Variants in FAM131C observed in about 807,000 individuals in gnomAD.
FAM131C encodes family with sequence similarity 131 member C, also known as protein FAM131C.
A neutral mutation model predicts 29.8 loss-of-function variants in FAM131C; 14 were observed. The observed-to-expected ratio is 0.47, with a 90% CI of 0.31 to 0.73. FAM131C has a LOEUF of 0.73. Ranked by LOEUF, FAM131C falls within the 30% of genes least tolerant of loss-of-function variation. The pLI, the probability that FAM131C is intolerant of heterozygous loss-of-function variation, is 0.05. For missense variants in FAM131C, 252 were observed against 383.8 expected (o/e 0.66, Z 2.87); for synonymous variants, 86 against 157.8 (o/e 0.54, Z 3.41).
rs2124139597 is a variant in FAM131C, at chr1:16,073,596, G to A, written c.-154C>T. On this transcript the variant is annotated 5_prime_UTR_variant, in exon 1 of 7. Coordinates refer to ENST00000375662, the MANE Select transcript of FAM131C (RefSeq NM_182623.3). Reference sequence around the variant, plus strand: ...CAGCTCGGCCTCAGCTCCAGCCTGGGTCGTCCCTGCTGCCGCCGCGCCCGG... The same window carrying A: ...CAGCTCGGCCTCAGCTCCAGCCTGGATCGTCCCTGCTGCCGCCGCGCCCGG... The A allele has an allele frequency of 3.9e-6, 1 of 258,840 alleles. No individual in the cohort carries two copies. The highest frequency in any genetic ancestry group is 2.3e-5 in the African/African-American group (1 of 43,724). 16.0% of individuals were successfully genotyped at this position (258,840 alleles called of 1,614,324 possible).
At chr1:16,062,287 A>T in intron 3 of FAM131C, 95 bp from the exon 4 acceptor site, 1 of 1,505,966 alleles carries the variant, frequency 6.6e-7, no homozygotes, top group Non-Finnish European at 8.9e-7. Flanking sequence ...CCAGCTCACC[A>T]GGTCCTCTGG....
At chr1:16,060,408 G>T (rs2023577597) in intron 4 of FAM131C, among the ~76,000 whole-genome samples, 1 of 134,464 alleles carries the variant, frequency 7.4e-6, no homozygotes, top group Admixed American at 7.7e-5. Flanking sequence ...TTCTGACCAA[G>T]TTCAGACCCT....
chr1:16,061,955 C>T, intron 4 of FAM131C, 144 bp downstream of exon 4: 1 of 789,254 alleles, frequency 1.3e-6, no homozygotes, highest in Non-Finnish European at 2.0e-6. Flanking sequence ...CATAACCCAG[C>T]ATGGACTCTG....
chr1:16,064,786 T>G (rs576299100), intron 1 of FAM131C, among the ~76,000 whole-genome samples: 1 of 152,294 alleles, frequency 6.6e-6, no homozygotes, highest in South Asian at 2.1e-4. Flanking sequence ...CCTCCACCCA[T>G]TCCAAGCAGG....
chr1:16,063,586 G>A lies in FAM131C; in HGVS notation c.73C>T (p.Pro25Ser), dbSNP rs35576581. ...KNCPMPQGADPLNPDLPSGRT... is the reference protein window; with the variant it reads ...KNCPMPQGADSLNPDLPSGRT... The stretch of plus-strand genomic sequence containing the variant: ...CCCGAGGGCAGATCTGGGTTCAAGG[G>A]GTCCGCACCCTGGGGCATGGGGCAG... Residue 25 changes from proline (P) to serine (S), a missense_variant, in exon 2 of 7, where the codon CCC becomes TCC. Around this residue, in one of 6 missense-constraint regions of FAM131C, gnomAD observed 76 missense variants for 62.8 expected, o/e 1.21. Transcript: ENST00000375662. 7.0e-4 allele frequency: 1,130 copies of A among 1,613,784 alleles called. 8 individuals carry two copies. In the African/African-American group the frequency reaches 0.014, roughly 20 times the overall value.
chr1:16,061,362 G>T (rs1326526825), intron 4 of FAM131C, among the ~76,000 whole-genome samples: 1 of 152,116 alleles, frequency 6.6e-6, no homozygotes, highest in Non-Finnish European at 1.5e-5. Context: ...GGGGAGCTGG[G>T]TGGGATTTAG....
chr1:16,062,384 C>CCCCG, intron 3 of FAM131C, 115 bp downstream of exon 3: 1 of 810,932 alleles, frequency 1.2e-6, no homozygotes, highest in Non-Finnish European at 1.7e-6. Context: ...CATCAGGCCC[C>CCCCG]CCCCCCCCCC....
chr1:16,063,274 G>A (rs936901182), intron 2 of FAM131C, among the ~76,000 whole-genome samples: 2 of 152,054 alleles, frequency 1.3e-5, no homozygotes, highest in African/African-American at 2.4e-5. Flanking sequence ...GCAAGGCAGA[G>A]TTAATTTGCG....
At chr1:16,068,993 C>T (rs1437534942) in intron 1 of FAM131C, among the ~76,000 whole-genome samples, 2 of 152,188 alleles carry the variant, frequency 1.3e-5, no homozygotes, top group Non-Finnish European at 2.9e-5. Context: ...ACTGTCTGTC[C>T]TAGGCCTGTT....
At chr1:16,070,569 G>T (rs1192782930) in intron 1 of FAM131C, among the ~76,000 whole-genome samples, 1 of 152,126 alleles carries the variant, frequency 6.6e-6, no homozygotes, top group South Asian at 2.1e-4. Context: ...AGGTGGGAGG[G>T]TGGCTTGAGG....
intron 1 of FAM131C, among the ~76,000 whole-genome samples, chr1:16,070,546 C>T (rs2023738002): frequency 1.3e-5 from 2 of 152,130 alleles, no homozygotes; most frequent in Admixed American, 1.3e-4. Context: ...AATCCCAGCA[C>T]TTTGGGAGGC....
In FAM131C at chr1:16,059,920, C is replaced by T. The variant is rs561644267; in HGVS notation, c.400G>A (p.Glu134Lys). The T allele has an allele frequency of 7.5e-6, 11 of 1,458,566 alleles. No individual in the cohort carries two copies. Among genetic ancestry groups the T allele is most frequent in the Admixed American group, 2.2e-5 (1 of 45,954 alleles). 90.4% of individuals were successfully genotyped at this position (1,458,566 alleles called of 1,614,324 possible). Residue 134 changes from glutamate (E) to lysine (K), a missense_variant, in exon 5 of 7, where the codon GAG becomes AAG. Around this residue, in one of 6 missense-constraint regions of FAM131C, gnomAD observed 38 missense variants for 32.7 expected, o/e 1.16. Coordinates refer to ENST00000375662, the MANE Select transcript of FAM131C (RefSeq NM_182623.3). Reference protein sequence around the residue: ...AGWELSPAEDEHYCCLPDELR... With the variant: ...AGWELSPAEDKHYCCLPDELR... ...TCATCCGGGAGGCAGCAGTAATGCT[C>T]GTCCTCAGCTGGGGACAGCTCCCAG...
At chr1:16,064,109 G>T (rs77855850) in intron 1 of FAM131C, among the ~76,000 whole-genome samples, 5,637 of 152,076 alleles carry the variant, frequency 0.037, 122 homozygotes, top group African/African-American at 0.052. Flanking sequence ...ACCGCTGCAT[G>T]CGAGATTGTA....
At chr1:16,069,620 G>A (rs74054909) in intron 1 of FAM131C, among the ~76,000 whole-genome samples, 24 of 152,194 alleles carry the variant, frequency 1.6e-4, no homozygotes, top group Non-Finnish European at 2.9e-4. Context: ...CATGGAGCGG[G>A]TACTGAGCCC....
At chr1:16,063,458 C>A (rs1044283952) in intron 2 of FAM131C, 63 bp downstream of exon 2, 34 of 1,273,380 alleles carry the variant, frequency 2.7e-5, no homozygotes, top group Non-Finnish European at 3.8e-5. Context: ...CTGCTCCCTG[C>A]GGGGAGGAGA....
At chr1:16,062,879 A>T (rs149170619) in intron 2 of FAM131C, among the ~76,000 whole-genome samples, 1,597 of 152,238 alleles carry the variant, frequency 0.01, 2 homozygotes, top group South Asian at 0.016. Context: ...CATTCACCTC[A>T]TGAGTTGTGG....
chr1:16,061,708 C>T (rs1386051177), intron 4 of FAM131C, among the ~76,000 whole-genome samples: 1 of 152,064 alleles, frequency 6.6e-6, no homozygotes, highest in Admixed American at 6.5e-5. Flanking sequence ...GCCTCCCCCG[C>T]TGCCTGCTGG....
At chr1:16,068,559 G>T (rs111397773) in intron 1 of FAM131C, among the ~76,000 whole-genome samples, 84 of 152,350 alleles carry the variant, frequency 5.5e-4, no homozygotes, top group Non-Finnish European at 1.1e-3. Context: ...TCACTGCCAG[G>T]GGAGCAGGCC....
intron 1 of FAM131C, among the ~76,000 whole-genome samples, chr1:16,067,329 G>T (rs531451690): frequency 1.1e-4 from 16 of 152,322 alleles, no homozygotes; most frequent in African/African-American, 3.6e-4. Flanking sequence ...CGTCACCACT[G>T]GCAACTGGAA....
Sources: gnomAD v4.1 joint callset for allele counts (sites outside exome capture counted in the v4.1 genomes callset) on GRCh38, gnomAD v4.1.1 for gene constraint, gnomAD v4.1.1 regional missense constraint, MANE v1.5 for transcripts, NCBI Gene and HGNC (gene_info 2026-07-23, HGNC 2026-07-21) for gene names.